Variants in PCDHGB3 observed in about 807,000 individuals in gnomAD.
The protein encoded by PCDHGB3 is protocadherin gamma subfamily B, 3.
PCDHGB3 carries 40 observed loss-of-function variants against 59.2 expected under a neutral mutation model. The ratio of observed to expected loss-of-function variants is 0.68; its 90% CI spans 0.52 to 0.88. The LOEUF (loss-of-function observed/expected upper bound fraction) is 0.88. PCDHGB3 is among the 40% of genes least tolerant of loss of function. The pLI is 0.00. For synonymous variants in PCDHGB3, 581 were observed against 503.6 expected (o/e 1.15, Z -2.06); for missense variants, 1,309 against 1,187.9 (o/e 1.10, Z -1.50).
At chr5:141,376,288 G>A (rs753554580) in intron 1 of PCDHGB3, 4 of 1,614,216 alleles carry the variant, frequency 2.5e-6, no homozygotes, top group South Asian at 2.2e-5. Flanking sequence ...TAGCGAGCAT[G>A]CCCGGCTCGC....
At chr5:141,419,371 C>T (rs751971270) in intron 1 of PCDHGB3, 4 of 1,613,662 alleles carry the variant, frequency 2.5e-6, no homozygotes, top group Non-Finnish European at 8.5e-7. Flanking sequence ...TGTCGTCCTA[C>T]GTGTCCGTGA....
intron 2 of PCDHGB3, among the ~76,000 whole-genome samples, chr5:141,503,088 C>T (rs1003234288): frequency 4.0e-5 from 6 of 151,864 alleles, no homozygotes; most frequent in Admixed American, 1.3e-4. Context: ...CTCCTGACCT[C>T]GTGGTCTGCC....
At chr5:141,392,885 G>C in intron 1 of PCDHGB3, 1 of 1,613,654 alleles carries the variant, frequency 6.2e-7, no homozygotes, top group Non-Finnish European at 8.5e-7. Flanking sequence ...GAACGCTGTG[G>C]GAAATCGGGA....
At chr5:141,394,348 G>C (rs1376364642) in intron 1 of PCDHGB3, 2 of 1,614,050 alleles carry the variant, frequency 1.2e-6, no homozygotes, top group Non-Finnish European at 1.7e-6. Flanking sequence ...TCTGACACCG[G>C]TGTCCTGTAT....
chr5:141,378,520 C>T (rs930266884), intron 1 of PCDHGB3: 4 of 151,996 alleles, frequency 2.6e-5, no homozygotes, highest in Non-Finnish European at 5.9e-5. Flanking sequence ...GAGACTCTGT[C>T]TCAAAAAATA....
At chr5:141,379,227 T>C (rs1355383312) in intron 1 of PCDHGB3, 3 of 152,248 alleles carry the variant, frequency 2.0e-5, no homozygotes, top group Non-Finnish European at 4.4e-5. Flanking sequence ...TATGTGTTTT[T>C]CTGAACCAAT....
At chr5:141,393,845 AC>A in intron 1 of PCDHGB3, 1 of 1,613,966 alleles carries the variant, frequency 6.2e-7, no homozygotes, top group South Asian at 1.1e-5. Flanking sequence ...ATGACAATAG[AC>A]CAGAAGTGAT....
chr5:141,374,615 T>G lies in PCDHGB3; in HGVS notation c.2415+1806T>G, dbSNP rs777034606. ...ATTTAAGCTCAGTGGTAATAGTCACTTCTCAGTGGACGTGCAAAGCGAAGC... is the reference window on the plus strand; with the variant it reads ...ATTTAAGCTCAGTGGTAATAGTCACGTCTCAGTGGACGTGCAAAGCGAAGC... On this transcript the variant is annotated intron_variant, in intron 1 of 3. Coordinates refer to ENST00000576222, the MANE Select transcript of PCDHGB3 (RefSeq NM_018924.5). 108 of 1,613,570 alleles carry G rather than the reference T, an allele frequency of 6.7e-5. 1 individual carries two copies. In the East Asian group the frequency reaches 2.4e-3, roughly 35 times the overall value.
At chr5:141,375,619 G>A (rs373115950) in intron 1 of PCDHGB3, 123 of 1,614,098 alleles carry the variant, frequency 7.6e-5, no homozygotes, top group Non-Finnish European at 1.0e-4. Context: ...CCGACACTGG[G>A]ATTCTGTACG....
intron 1 of PCDHGB3, chr5:141,408,082 G>C (rs890768118): frequency 2.1e-6 from 3 of 1,417,248 alleles, no homozygotes; most frequent in Non-Finnish European, 1.9e-6. Flanking sequence ...TCCCAGCACA[G>C]CGGATTGCCA....
Position 141,421,742 on chromosome 5 carries a change from A to G in PCDHGB3, c.2415+48933A>G, listed in dbSNP as rs772984365. The stretch of plus-strand genomic sequence containing the variant: ...GGCGTGAACTCCCTCCAGAGCTACC[A>G]GCTCAGCCCTAATAATTACTTTTCC... On this transcript the variant is annotated intron_variant, in intron 1 of 3. Transcript: ENST00000576222. The G allele has an allele frequency of 4.3e-6, 7 of 1,613,826 alleles. No individual in the cohort carries two copies. The East Asian group carries it at 1.3e-4, about 31-fold the overall frequency.
intron 1 of PCDHGB3, chr5:141,418,947 G>T (rs534744990): frequency 6.2e-7 from 1 of 1,614,022 alleles, no homozygotes; most frequent in African/African-American, 1.3e-5. Context: ...TCCCCTCCAG[G>T]AGTGGTTGTT....
chr5:141,408,439 G>A (rs1057408625), intron 1 of PCDHGB3: 4 of 1,613,950 alleles, frequency 2.5e-6, no homozygotes, highest in Non-Finnish European at 3.4e-6. Flanking sequence ...GCGTAGACGC[G>A]GAGAGCGGGG....
intron 1 of PCDHGB3, chr5:141,409,185 C>G (rs765063807): frequency 6.2e-7 from 1 of 1,614,024 alleles, no homozygotes; most frequent in South Asian, 1.1e-5. Flanking sequence ...GGTGGTCTCT[C>G]TACCCAGTGT....
chr5:141,490,363 C>A lies in PCDHGB3; in HGVS notation c.2416-4444C>A. The A allele has an allele frequency of 6.2e-7, 1 of 1,614,154 alleles. No individual in the cohort carries two copies. Among genetic ancestry groups the A allele is most frequent in the South Asian group, 1.1e-5 (1 of 91,078 alleles). On this transcript the variant is annotated intron_variant, in intron 1 of 3. Coordinates refer to ENST00000576222, the MANE Select transcript of PCDHGB3 (RefSeq NM_018924.5). The surrounding 1 kb of genome is among the most constrained non-coding windows in gnomAD (Gnocchi z 5.4). Reference sequence around the variant, plus strand: ...CACAGTAGTGGGGTTGTTTAATGTGCGAGACCGGGACTCAGGTAGAAATGG... The same window carrying A: ...CACAGTAGTGGGGTTGTTTAATGTGAGAGACCGGGACTCAGGTAGAAATGG...
At chr5:141,430,827 T>A in intron 1 of PCDHGB3, 1 of 1,551,000 alleles carries the variant, frequency 6.4e-7, no homozygotes, top group South Asian at 1.3e-5. Flanking sequence ...CTGGGGACTC[T>A]GTGGGAGACC....
Position 141,394,531 on chromosome 5 carries a change from C to T in PCDHGB3, c.2415+21722C>T, listed in dbSNP as rs1188248060. ...CCCGCCCTCCCCACAGACGGTTCCA[C>T]TGGCGTGGAGCTGGCGCCCCGCTCC... On this transcript the variant is annotated intron_variant, in intron 1 of 3. Transcript: ENST00000576222. 3 of 1,614,224 alleles carry T rather than the reference C, an allele frequency of 1.9e-6. No homozygotes were observed. In the South Asian group the frequency reaches 3.3e-5, roughly 18 times the overall value.
chr5:141,399,720 C>A, intron 1 of PCDHGB3: 1 of 1,613,306 alleles, frequency 6.2e-7, no homozygotes, highest in Non-Finnish European at 8.5e-7. Context: ...TACAGGCCCG[C>A]GACCAGGGCT....
chr5:141,450,893 C>T (rs1306212499), intron 1 of PCDHGB3, among the ~76,000 whole-genome samples: 3 of 149,144 alleles, frequency 2.0e-5, no homozygotes, highest in East Asian at 2.0e-4. Flanking sequence ...GGTGCGATAT[C>T]GGCTCACTGC....
Sources: allele counts gnomAD v4.1 joint callset (sites outside exome capture counted in the v4.1 genomes callset), GRCh38; gene constraint gnomAD v4.1.1; non-coding constraint Gnocchi (gnomAD v3.1); transcripts MANE v1.5; gene names NCBI Gene and HGNC (gene_info 2026-07-23, HGNC 2026-07-21).